Variants in DLG2 observed in about 807,000 individuals in gnomAD.
DLG2 encodes disks large homolog 2.
A neutral mutation model predicts 132.5 loss-of-function variants in DLG2; 45 were observed. That is an observed-to-expected ratio of 0.34 (90% confidence interval 0.27 to 0.44). The LOEUF (loss-of-function observed/expected upper bound fraction) is 0.44. DLG2 is among the 20% of genes least tolerant of loss of function. The probability of loss-of-function intolerance (pLI) is 1.00; values close to 1 mark genes in which losing one functional copy is unlikely to be tolerated. For synonymous variants in DLG2, 424 were observed against 419.6 expected (o/e 1.01, Z -0.13); for missense variants, 1,045 against 1,196.9 (o/e 0.87, Z 1.87).
At chr11:85,391,506 AT>A (rs1405597012) in intron 3 of DLG2, among the ~76,000 whole-genome samples, 3 of 152,248 alleles carry the variant, frequency 2.0e-5, no homozygotes, top group African/African-American at 7.2e-5. Context: ...ACAGACCAAT[AT>A]CTCTGATGAA....
chr11:83,508,835 A>C (rs1321393790), intron 21 of DLG2, among the ~76,000 whole-genome samples: 1 of 152,230 alleles, frequency 6.6e-6, no homozygotes, highest in South Asian at 2.1e-4. Context: ...CGGACTCCAA[A>C]GACCAAACTT....
chr11:84,547,527 A>T (rs2099392650), intron 6 of DLG2, among the ~76,000 whole-genome samples: 1 of 152,314 alleles, frequency 6.6e-6, no homozygotes, highest in South Asian at 2.1e-4. Flanking sequence ...AAGAAGATAC[A>T]GCTCATCCTT....
At chr11:83,968,359 G>A (rs894207466) in intron 12 of DLG2, among the ~76,000 whole-genome samples, 3 of 152,096 alleles carry the variant, frequency 2.0e-5, no homozygotes, top group Non-Finnish European at 4.4e-5. Context: ...CCATTAAGCC[G>A]TAAGCTTCTC....
chr11:84,393,748 C>T (rs1044427161), intron 7 of DLG2, among the ~76,000 whole-genome samples: 1 of 151,710 alleles, frequency 6.6e-6, no homozygotes, highest in African/African-American at 2.4e-5. Context: ...TTTTGTTTCC[C>T]TTTTTAAAAG....
At chr11:85,048,908 T>C (rs1208061288) in intron 6 of DLG2, among the ~76,000 whole-genome samples, 1 of 152,086 alleles carries the variant, frequency 6.6e-6, no homozygotes, top group Non-Finnish European at 1.5e-5. Flanking sequence ...CTCTTTGTTA[T>C]TTTTATATTG....
intron 5 of DLG2, among the ~76,000 whole-genome samples, chr11:85,149,986 T>C (rs2077118274): frequency 1.3e-5 from 2 of 151,212 alleles, no homozygotes; most frequent in African/African-American, 4.9e-5. Context: ...TCTGGGAAGA[T>C]TAACTCAAAA....
At chr11:85,042,842 TGGTAA>T (rs2061992780) in intron 6 of DLG2, among the ~76,000 whole-genome samples, 1 of 151,978 alleles carries the variant, frequency 6.6e-6, no homozygotes, top group African/African-American at 2.4e-5. Context: ...AATAAAAATG[TGGTAA>T]GGTATTTATG....
chr11:84,800,699 C>T (rs1171328489), intron 6 of DLG2: 1 of 152,112 alleles, frequency 6.6e-6, no homozygotes, highest in Non-Finnish European at 1.5e-5. Flanking sequence ...ACTTTGGACA[C>T]CTGCTGTTTG....
Position 84,934,517 on chromosome 11 carries a change from TTTG to T in DLG2, c.357+177141_357+177143del, listed in dbSNP as rs1231695920. ...ATGGTCCTGGGTGTTTTTTTTTTGT[TTTG>T]TTTTGTTTTTTTTTTTTTTTTTTTT... On this transcript the variant is annotated intron_variant, in intron 6 of 27. Coordinates refer to ENST00000376104, the MANE Select transcript of DLG2 (RefSeq NM_001142699.3). Among the ~76,000 whole-genome samples, 6 of 57,106 alleles carry T rather than the reference TTTG, an allele frequency of 1.1e-4. 1 individual carries two copies. The highest frequency in any genetic ancestry group is 5.5e-4 in the South Asian group (1 of 1,818). The allele number at this position is 57,106 out of a possible 152,430, so 37.5% of individuals were successfully genotyped here. A position where few individuals can be genotyped will look rare whatever the true frequency, so the allele number is the denominator to read the frequency against.
intron 7 of DLG2, among the ~76,000 whole-genome samples, chr11:84,532,076 A>G (rs2099343904): frequency 6.7e-6 from 1 of 149,412 alleles, no homozygotes; most frequent in Admixed American, 6.7e-5. Context: ...AAGACTTAAT[A>G]TACAAAACAA....
chr11:85,125,711 G>A (rs1055507920), intron 5 of DLG2, among the ~76,000 whole-genome samples: 9 of 151,992 alleles, frequency 5.9e-5, no homozygotes, highest in Non-Finnish European at 1.2e-4. Flanking sequence ...TTCTGTGAAT[G>A]CACCTCATCT....
intron 9 of DLG2, among the ~76,000 whole-genome samples, chr11:84,119,147 G>GAA (rs966733169): frequency 7.0e-6 from 1 of 142,368 alleles, no homozygotes; most frequent in African/African-American, 2.6e-5. Context: ...GACAACCTCA[G>GAA]AAAAAAAAAA....
At chr11:84,566,577 T>C (rs1387440012) in intron 6 of DLG2, among the ~76,000 whole-genome samples, 1 of 152,156 alleles carries the variant, frequency 6.6e-6, no homozygotes, top group African/African-American at 2.4e-5. Flanking sequence ...ATTTAAGCAC[T>C]AAGGTTAAAA....
chr11:83,588,691 T>C (rs2153276469), intron 19 of DLG2, among the ~76,000 whole-genome samples: 1 of 151,428 alleles, frequency 6.6e-6, no homozygotes, highest in East Asian at 2.0e-4. Flanking sequence ...CAAATTACTC[T>C]GAGCTACGGG....
At chr11:85,203,348 A>C (rs2081608635) in intron 4 of DLG2, among the ~76,000 whole-genome samples, 1 of 151,946 alleles carries the variant, frequency 6.6e-6, no homozygotes, top group Admixed American at 6.6e-5. Context: ...CATATAAACA[A>C]AATTAGAGAT....
At chr11:84,126,816 C>T (rs891642653) in intron 9 of DLG2, among the ~76,000 whole-genome samples, 1 of 152,176 alleles carries the variant, frequency 6.6e-6, no homozygotes, top group Non-Finnish European at 1.5e-5. Flanking sequence ...CTCTTACCCA[C>T]TAAACTACAC....
At chr11:84,639,262 T>C (rs2154544869) in intron 6 of DLG2, among the ~76,000 whole-genome samples, 1 of 152,292 alleles carries the variant, frequency 6.6e-6, no homozygotes, top group East Asian at 1.9e-4. Flanking sequence ...CTAGCCATAC[T>C]TTTTATTTTA....
At chr11:84,779,488 A>G (rs1456878123) in intron 6 of DLG2, among the ~76,000 whole-genome samples, 1 of 152,128 alleles carries the variant, frequency 6.6e-6, no homozygotes, top group Non-Finnish European at 1.5e-5. Flanking sequence ...TTCTAAATAC[A>G]AGATCATATC....
chr11:84,400,709 T>C (rs776047295), intron 7 of DLG2, among the ~76,000 whole-genome samples: 2 of 152,204 alleles, frequency 1.3e-5, no homozygotes, highest in African/African-American at 2.4e-5. Context: ...AAATTATTGG[T>C]TTCCATTAGC....
Sources: allele counts gnomAD v4.1 joint callset (sites outside exome capture counted in the v4.1 genomes callset), GRCh38; gene constraint gnomAD v4.1.1; transcripts MANE v1.5; gene names NCBI Gene and HGNC (gene_info 2026-07-23, HGNC 2026-07-21).